Variants in RASSF5 observed in about 807,000 individuals in gnomAD.
RASSF5 encodes the protein ras association domain-containing protein 5.
RASSF5 carries 25 observed loss-of-function variants against 40.5 expected under a neutral mutation model. The observed-to-expected ratio is 0.62, with a 90% CI of 0.45 to 0.86. The LOEUF (loss-of-function observed/expected upper bound fraction) is 0.86. Ranked by LOEUF, RASSF5 falls within the 40% of genes least tolerant of loss-of-function variation. The pLI is 0.00. For synonymous variants in RASSF5, 246 were observed against 252.4 expected (o/e 0.97, Z 0.24); for missense variants, 521 against 572.8 (o/e 0.91, Z 0.92).
chr1:206,563,871 C>A (rs1472857901), intron 2 of RASSF5, among the ~76,000 whole-genome samples: 1 of 152,158 alleles, frequency 6.6e-6, no homozygotes, highest in Non-Finnish European at 1.5e-5. Context: ...AGGAGTCAGG[C>A]CCCCTGGGTC....
chr1:206,528,941 G>A (rs1455569393), intron 1 of RASSF5: 2 of 628,512 alleles, frequency 3.2e-6, no homozygotes, highest in Non-Finnish European at 2.8e-6. Context: ...AGGCCAAGGG[G>A]AAGAAGGTGG....
At chr1:206,548,518 C>T (rs1667754668) in intron 2 of RASSF5, among the ~76,000 whole-genome samples, 1 of 152,178 alleles carries the variant, frequency 6.6e-6, no homozygotes, top group Admixed American at 6.5e-5. Context: ...ACCTAGACAC[C>T]TCCCGCCAGG....
chr1:206,547,683 C>T (rs964637150), intron 2 of RASSF5, among the ~76,000 whole-genome samples: 5 of 152,148 alleles, frequency 3.3e-5, no homozygotes, highest in African/African-American at 9.7e-5. Flanking sequence ...AGCCCCACCC[C>T]AGTCCATGGA....
chr1:206,579,508 T>C lies in RASSF5; in HGVS notation c.580-3761T>C, dbSNP rs1348587651. ...TCTCGCTCTCATGGCAGATAGTGCC[T>C]GTTAGGTAAACCTTTGGGGTGTTTG... On this transcript the variant is annotated intron_variant, in intron 2 of 5. Coordinates refer to ENST00000579436, the MANE Select transcript of RASSF5 (RefSeq NM_182663.4). The surrounding 1 kb of genome is among the most constrained non-coding windows in gnomAD (Gnocchi z 4.2). Among the ~76,000 whole-genome samples, 2 of 152,198 alleles carry C rather than the reference T, an allele frequency of 1.3e-5. No individual in the cohort carries two copies. The highest frequency in any genetic ancestry group is 4.8e-5 in the African/African-American group (2 of 41,452).
chr1:206,536,461 C>T (rs546399224), intron 1 of RASSF5, among the ~76,000 whole-genome samples: 2 of 152,092 alleles, frequency 1.3e-5, no homozygotes, highest in South Asian at 4.2e-4. Flanking sequence ...CAGGGTGCTC[C>T]CCTATGGACA....
intron 1 of RASSF5, among the ~76,000 whole-genome samples, chr1:206,520,128 CG>C (rs1666867656): frequency 6.6e-6 from 1 of 152,160 alleles, no homozygotes; most frequent in Non-Finnish European, 1.5e-5. Flanking sequence ...GGGCACATAC[CG>C]CACTGTGGCT....
chr1:206,558,033 G>T (rs1158655139), intron 2 of RASSF5, among the ~76,000 whole-genome samples: 1 of 152,184 alleles, frequency 6.6e-6, no homozygotes, highest in Admixed American at 6.5e-5. Flanking sequence ...TAGCTTAGAA[G>T]TTCTAGGTGG....
intron 2 of RASSF5, among the ~76,000 whole-genome samples, chr1:206,554,120 T>A (rs1449629298): frequency 6.6e-6 from 1 of 152,242 alleles, no homozygotes; most frequent in Non-Finnish European, 1.5e-5. Context: ...AGGGGTGCGG[T>A]GGCACCTTGC....
chr1:206,574,852 AC>A (rs1668577867), intron 2 of RASSF5, among the ~76,000 whole-genome samples: 1 of 116,586 alleles, frequency 8.6e-6, no homozygotes, highest in Non-Finnish European at 1.8e-5. Flanking sequence ...GGGACCAATG[AC>A]TTTTTTTTTT....
At chr1:206,527,672 G>C (rs782324861) in intron 1 of RASSF5, among the ~76,000 whole-genome samples, 3 of 152,098 alleles carry the variant, frequency 2.0e-5, no homozygotes, top group Non-Finnish European at 4.4e-5. Flanking sequence ...AGACAGGACC[G>C]AAGCCTCAGG....
chr1:206,577,347 A>G (rs781943535), intron 2 of RASSF5, among the ~76,000 whole-genome samples: 9 of 152,238 alleles, frequency 5.9e-5, no homozygotes, highest in Non-Finnish European at 1.3e-4. Flanking sequence ...AAATTGGCTC[A>G]GAGGGGTAGA....
rs559841670 is a variant in RASSF5, at chr1:206,507,765, G to C, written c.163G>C (p.Gly55Arg). The C allele has an allele frequency of 1.2e-5, 17 of 1,408,962 alleles. No individual in the cohort carries two copies. Among genetic ancestry groups the C allele is most frequent in the Admixed American group, 3.5e-5 (1 of 28,434 alleles). 87.3% of individuals were successfully genotyped at this position (1,408,962 alleles called of 1,614,324 possible). The stretch of plus-strand genomic sequence containing the variant: ...CCCGGCGCCCCTCTCCACTGCGCCC[G>C]GGGCGCGCGAGGGGCGCAGCGCCCG... ...CVPAPLSTAP[G>R]AREGRSARRA... Residue 55 changes from glycine (G) to arginine (R), a missense_variant, in exon 1 of 6, where the codon GGG becomes CGG. By Grantham distance (125) the Gly-to-Arg change is moderately radical. Transcript: ENST00000579436.
At chr1:206,574,853 C>CTTTTT (rs71570015) in intron 2 of RASSF5, among the ~76,000 whole-genome samples, 13 of 86,104 alleles carry the variant, frequency 1.5e-4, no homozygotes, top group Non-Finnish European at 2.4e-4. Flanking sequence ...GGACCAATGA[C>CTTTTT]TTTTTTTTTT....
At chr1:206,580,061 AGGTCAG>A (rs1381598336) in intron 2 of RASSF5, among the ~76,000 whole-genome samples, 22 of 152,170 alleles carry the variant, frequency 1.4e-4, no homozygotes, top group Non-Finnish European at 2.5e-4. Flanking sequence ...CAGAATGGTG[AGGTCAG>A]GGCTGCTGTC....
rs1047180450 is a variant in RASSF5, at chr1:206,584,375, C to T, written c.691-12C>T. Reference sequence around the variant, plus strand: ...ACGGCCCTGACCCCCTGTGACATGCCCCCGCTGGCAGAGTGAAGACGGCAC... The same window carrying T: ...ACGGCCCTGACCCCCTGTGACATGCTCCCGCTGGCAGAGTGAAGACGGCAC... On this transcript the variant is annotated splice_polypyrimidine_tract_variant and intron_variant, in intron 3 of 5. Coordinates refer to ENST00000579436, the MANE Select transcript of RASSF5 (RefSeq NM_182663.4). The surrounding 1 kb of genome is among the most constrained non-coding windows in gnomAD (Gnocchi z 4.9). 1.2e-6 allele frequency: 2 copies of T among 1,601,372 alleles called. No individual in the cohort carries two copies. Among genetic ancestry groups the T allele is most frequent in the Non-Finnish European group, 1.7e-6 (2 of 1,172,846 alleles).
intron 2 of RASSF5, among the ~76,000 whole-genome samples, chr1:206,553,429 G>A (rs1667900801): frequency 6.6e-6 from 1 of 152,140 alleles, no homozygotes; most frequent in Non-Finnish European, 1.5e-5. Flanking sequence ...ACTCTTGGAA[G>A]GCTTTGCACT....
At chr1:206,576,376 T>C (rs1668659752) in intron 2 of RASSF5, among the ~76,000 whole-genome samples, 1 of 152,230 alleles carries the variant, frequency 6.6e-6, no homozygotes, top group South Asian at 2.1e-4. Flanking sequence ...CCTAGCTGTC[T>C]ACCTCCATCC....
In RASSF5 at chr1:206,535,916, C is replaced by A. The variant is rs561820698; in HGVS notation, c.458-2256C>A. On this transcript the variant is annotated intron_variant, in intron 1 of 5. Coordinates refer to ENST00000579436, the MANE Select transcript of RASSF5 (RefSeq NM_182663.4). The surrounding 1 kb of genome is among the most constrained non-coding windows in gnomAD (Gnocchi z 5.0). The stretch of plus-strand genomic sequence containing the variant: ...TGTCATCACCGTGGAGCTGGGCGAG[C>A]TTTCAGTCCTTCCTCCTTTTCCTTG... Among the ~76,000 whole-genome samples, 12 of 152,186 alleles carry A rather than the reference C, an allele frequency of 7.9e-5. No individual in the cohort carries two copies. In the South Asian group the frequency reaches 1.9e-3, roughly 24 times the overall value.
chr1:206,518,516 G>T, intron 1 of RASSF5: 1 of 398,632 alleles, frequency 2.5e-6, no homozygotes, highest in Non-Finnish European at 4.4e-6. Context: ...TCCTGCAGAG[G>T]TTCCGCAACG....
Sources: gnomAD v4.1 joint callset for allele counts (sites outside exome capture counted in the v4.1 genomes callset) on GRCh38, gnomAD v4.1.1 for gene constraint, Gnocchi (gnomAD v3.1) non-coding constraint, MANE v1.5 for transcripts, NCBI Gene and HGNC (gene_info 2026-07-23, HGNC 2026-07-21) for gene names.